Variants in MYH15 observed in about 807,000 individuals in gnomAD.
The protein encoded by MYH15 is myosin-15.
Under a neutral mutation model 240.5 loss-of-function variants are expected in MYH15, and 227 were observed. The observed-to-expected ratio is 0.94, with a 90% confidence interval of 0.85 to 1.05. The LOEUF (loss-of-function observed/expected upper bound fraction) is 1.05, where lower values mean the gene tolerates loss of function less well. MYH15 is among the 50% of genes least tolerant of loss of function. MYH15 has a pLI of 0.00. For missense variants in MYH15, 2,217 were observed against 2,247.5 expected (o/e 0.99, Z 0.27); for synonymous variants, 785 against 796.7 (o/e 0.99, Z 0.25).
intron 36 of MYH15, among the ~76,000 whole-genome samples, chr3:108,392,470 G>A (rs2082428984): frequency 6.6e-6 from 1 of 152,176 alleles, no homozygotes; most frequent in Non-Finnish European, 1.5e-5. Context: ...GCCTGCTCTT[G>A]GCTTTGGCTG....
Position 108,389,155 on chromosome 3 carries a change from A to G in MYH15, c.5431-81T>C, listed in dbSNP as rs1362612733. On this transcript the variant is annotated intron_variant, in intron 37 of 40. Transcript: ENST00000693548. ...TTGCTGATTGGCACAATCATTTGAA[A>G]GACAGCAAAGTGTCAAGGGAACATG... 5 of 1,242,558 alleles carry G rather than the reference A, an allele frequency of 4.0e-6. No individual in the cohort carries two copies. The African/African-American group carries it at 4.4e-5, about 11-fold the overall frequency. 77.0% of individuals were successfully genotyped at this position (1,242,558 alleles called of 1,614,324 possible).
At chr3:108,483,411 T>C (rs543267484) in intron 11 of MYH15, among the ~76,000 whole-genome samples, 2 of 138,330 alleles carry the variant, frequency 1.4e-5, no homozygotes, top group South Asian at 4.3e-4. Context: ...TGAAGATGGC[T>C]ACTATAAAAA....
At chr3:108,491,102 G>A (rs2083343360) in intron 9 of MYH15, among the ~76,000 whole-genome samples, 2 of 151,978 alleles carry the variant, frequency 1.3e-5, no homozygotes, top group African/African-American at 2.4e-5. Flanking sequence ...TAGCCAGGCT[G>A]GTCTCAAACC....
intron 6 of MYH15, 103 bp downstream of exon 6, chr3:108,497,949 T>C (rs2083404900): frequency 2.2e-6 from 2 of 896,820 alleles, no homozygotes. Context: ...AATTGTCCTG[T>C]GGTGCTTGTG....
rs746220980 is a variant in MYH15 at position 108,428,649 on chromosome 3, G to C, written c.3545C>G (p.Ala1182Gly). Residue 1182 changes from alanine to glycine, a missense_variant, in exon 27 of 41, where the codon GCA becomes GGA. Coordinates refer to ENST00000693548, the MANE Select transcript of MYH15 (RefSeq NM_014981.3). ...EATLHFETTS[A>G]SLKKRHADSL... Reference sequence around the variant, plus strand: ...GTCTGCATGTCTCTTCTTCAAAGATGCAGAAGTTGTCTCAAAGTGCAGAGT... The same window carrying C: ...GTCTGCATGTCTCTTCTTCAAAGATCCAGAAGTTGTCTCAAAGTGCAGAGT... The C allele has an allele frequency of 1.2e-6, 2 of 1,613,730 alleles. No homozygotes were observed. Among genetic ancestry groups the C allele is most frequent in the East Asian group, 4.5e-5 (2 of 44,834 alleles).
Position 108,439,775 on chromosome 3 carries a change from T to G in MYH15, c.3037A>C (p.Ser1013Arg). The change falls in exon 24 of 41, where the codon AGC (serine) becomes CGC (arginine). Residue 1013 changes from serine (S) to arginine (R), a missense_variant. Physicochemically the swap from Ser to Arg is moderately radical, Grantham distance 110. Transcript: ENST00000693548. Reference protein sequence around the residue: ...HMEEEKLSSLSKANLKLEQQV... With the variant: ...HMEEEKLSSLRKANLKLEQQV... ...TGTTCCAGCTTCAGATTTGCTTTGC[T>G]CAGGCTGCTGAGCTTCTCCTCCTCC... 2 of 1,611,110 alleles carry G rather than the reference T, an allele frequency of 1.2e-6. No homozygotes were observed. Among genetic ancestry groups the G allele is most frequent in the Non-Finnish European group, 1.7e-6 (2 of 1,178,892 alleles).
At chr3:108,480,244 G>A (rs892532831) in intron 11 of MYH15, among the ~76,000 whole-genome samples, 2 of 152,170 alleles carry the variant, frequency 1.3e-5, no homozygotes, top group Admixed American at 1.3e-4. Flanking sequence ...GATGACAAGA[G>A]TTTTTGTAGG....
chr3:108,501,947 A>G (rs80002194), intron 2 of MYH15, 92 bp from the exon 3 acceptor site: 2 of 1,384,786 alleles, frequency 1.4e-6, no homozygotes, highest in Non-Finnish European at 2.0e-6. Context: ...AGACTCAAAA[A>G]GAAAAAATGA....
intron 33 of MYH15, among the ~76,000 whole-genome samples, chr3:108,402,519 C>G (rs1036217983): frequency 6.6e-6 from 1 of 152,228 alleles, no homozygotes; most frequent in Non-Finnish European, 1.5e-5. Context: ...GTTGCCACAT[C>G]TCTGTGGCAA....
Position 108,384,676 on chromosome 3 carries a change from CA to C in MYH15, c.5631+10del, listed in dbSNP as rs1218200739. 1 of 1,610,594 alleles carries C rather than the reference CA, an allele frequency of 6.2e-7. No individual in the cohort carries two copies. The highest frequency in any genetic ancestry group is 1.3e-5 in the African/African-American group (1 of 74,802). ...GAAATCCATGAGGCTGAAACTTCCC[CA>C]GGCACTCACCGCCACCTCGACTTGC... is the stretch of plus-strand genomic sequence containing the variant. On this transcript the variant is annotated intron_variant, in intron 39 of 40. Coordinates refer to ENST00000693548, the MANE Select transcript of MYH15 (RefSeq NM_014981.3).
intron 3 of MYH15, 126 bp downstream of exon 3, chr3:108,501,586 G>T: frequency 1.7e-6 from 2 of 1,204,634 alleles, no homozygotes; most frequent in East Asian, 2.5e-5. Context: ...CTTCCCAGTA[G>T]ACATTGCTCA....
intron 7 of MYH15, among the ~76,000 whole-genome samples, chr3:108,494,319 A>G (rs2083375689): frequency 6.6e-6 from 1 of 152,218 alleles, no homozygotes. Context: ...AAGTATATGT[A>G]TACATACCTA....
intron 27 of MYH15, among the ~76,000 whole-genome samples, chr3:108,423,429 G>A (rs553491237): frequency 1.2e-3 from 182 of 152,246 alleles, no homozygotes; most frequent in Non-Finnish European, 2.1e-3. Flanking sequence ...CCAGTTTCTC[G>A]AACGATGCCA....
intron 6 of MYH15, 92 bp from the exon 7 acceptor site, chr3:108,495,964 C>A: frequency 1.1e-6 from 1 of 928,798 alleles, no homozygotes; most frequent in South Asian, 1.9e-5. Flanking sequence ...AAACCCCATT[C>A]TTGCTTTGAT....
chr3:108,541,075 CTA>C, the MYH15 span, among the ~76,000 whole-genome samples: 3 of 152,044 alleles, frequency 2.0e-5, no homozygotes, highest in South Asian at 2.1e-4. Flanking sequence ...AAAAGATACA[CTA>C]TGTTTTAGAA....
chr3:108,412,257 T>C (rs532922093), intron 30 of MYH15, among the ~76,000 whole-genome samples: 68 of 152,194 alleles, frequency 4.5e-4, no homozygotes, highest in Non-Finnish European at 7.9e-4. Flanking sequence ...AACCTTCATG[T>C]TGTTCTCATG....
chr3:108,429,413 G>T (rs2082757232), intron 26 of MYH15, among the ~76,000 whole-genome samples: 1 of 152,116 alleles, frequency 6.6e-6, no homozygotes. Flanking sequence ...CTAGTCTGCA[G>T]GAGATTTCAA....
chr3:108,423,651 C>T (rs1001562803), intron 27 of MYH15, among the ~76,000 whole-genome samples: 1 of 152,212 alleles, frequency 6.6e-6, no homozygotes, highest in Admixed American at 6.5e-5. Flanking sequence ...TTTTCTTCCT[C>T]ACGATATCTC....
At chr3:108,447,946 G>A (rs1247917420) in intron 21 of MYH15, among the ~76,000 whole-genome samples, 1 of 152,022 alleles carries the variant, frequency 6.6e-6, no homozygotes, top group Admixed American at 6.5e-5. Flanking sequence ...ATATTAAATT[G>A]TGACATAAAT....
Sources: allele counts gnomAD v4.1 joint callset (sites outside exome capture counted in the v4.1 genomes callset), GRCh38; gene constraint gnomAD v4.1.1; transcripts MANE v1.5; gene names NCBI Gene and HGNC (gene_info 2026-07-23, HGNC 2026-07-21).